The following AMD1 variants were observed in gnomAD, a reference collection of about 807,000 sequenced individuals.
AMD1 encodes the protein S-adenosylmethionine decarboxylase proenzyme.
In AMD1, 11 loss-of-function variants were observed where a neutral mutation model predicts 40.2. The ratio of observed to expected loss-of-function variants is 0.27; its 90% CI spans 0.17 to 0.45. AMD1 has a LOEUF of 0.45. Among genes scored for constraint, AMD1 ranks in the 20% least tolerant of loss-of-function variants. The pLI is 1.00. For missense variants in AMD1, 257 were observed against 410.2 expected (o/e 0.63, Z 3.23); for synonymous variants, 121 against 130.8 (o/e 0.93, Z 0.51).
chr6:110,828,251 C>A, the AMD1 span, among the ~76,000 whole-genome samples: 4 of 151,876 alleles, frequency 2.6e-5, no homozygotes, highest in Admixed American at 2.6e-4. Flanking sequence ...GCCAACATGG[C>A]GAAACCCCGT....
At position 110,894,848 on chromosome 6, in the gene AMD1, C is replaced by A. The variant is rs1453338202; in HGVS notation, c.*1232C>A. On this transcript the variant is annotated 3_prime_UTR_variant, in exon 9 of 9. Transcript: ENST00000368885. ...TGTTCCTCTTAACTACGGTGTTTCC[C>A]TTACCATGGCATTCATAGGATGAAA... 1 of 152,138 alleles carries A rather than the reference C, an allele frequency of 6.6e-6. No homozygotes were observed. The highest frequency in any genetic ancestry group is 1.5e-5 in the Non-Finnish European group (1 of 68,022). The allele number at this position is 152,138 out of a possible 1,614,324, so 9.4% of individuals were successfully genotyped here. A position where few individuals can be genotyped will look rare whatever the true frequency, so the allele number is the denominator to read the frequency against.
chr6:110,868,970 G>T, the AMD1 span, among the ~76,000 whole-genome samples: 1 of 151,296 alleles, frequency 6.6e-6, no homozygotes, highest in Non-Finnish European at 1.5e-5. Context: ...TGAAGCAGCA[G>T]AATCGCTTGA....
intron 1 of AMD1, among the ~76,000 whole-genome samples, chr6:110,879,360 A>G (rs1185604763): frequency 6.6e-6 from 1 of 152,214 alleles, no homozygotes; most frequent in African/African-American, 2.4e-5. Context: ...AACAACAACG[A>G]AAATATTTCA....
rs768179600 is a variant in AMD1, at chr6:110,892,723, T to TCCCC, written c.616-12_616-11insCCCC. ...CAAACCCTTGTTAAACTCGGTCTTT[T>TCCCC]TCCCCCCCCAGGAGAGTGGAATTCG... On this transcript the variant is annotated splice_polypyrimidine_tract_variant and intron_variant, in intron 6 of 8. Coordinates refer to ENST00000368885, the MANE Select transcript of AMD1 (RefSeq NM_001634.6). The TCCCC allele has an allele frequency of 1.3e-6, 2 of 1,504,296 alleles. No homozygotes were observed. The highest frequency in any genetic ancestry group is 4.1e-5 in the African/African-American group (2 of 48,752). The allele number at this position is 1,504,296 out of a possible 1,614,324, so 93.2% of individuals were successfully genotyped here. A position where few individuals can be genotyped will look rare whatever the true frequency, so the allele number is the denominator to read the frequency against.
At chr6:110,836,301 G>A in the AMD1 span, among the ~76,000 whole-genome samples, 3 of 152,032 alleles carry the variant, frequency 2.0e-5, no homozygotes, top group Non-Finnish European at 4.4e-5. Context: ...TGTTGGCTAT[G>A]ACTGTTTTTA....
the AMD1 span, among the ~76,000 whole-genome samples, chr6:110,869,139 CT>C: frequency 3.0e-3 from 446 of 150,286 alleles, no homozygotes; most frequent in South Asian, 7.1e-3. Flanking sequence ...ACTTTAGCTT[CT>C]TTTTTTTTGA....
At chr6:110,839,706 G>A in the AMD1 span, among the ~76,000 whole-genome samples, 1 of 152,102 alleles carries the variant, frequency 6.6e-6, no homozygotes, top group Non-Finnish European at 1.5e-5. Context: ...TGGGGGCATG[G>A]GAAGTTTATT....
the AMD1 span, among the ~76,000 whole-genome samples, chr6:110,855,315 G>A: frequency 2.6e-5 from 4 of 151,990 alleles, no homozygotes; most frequent in South Asian, 6.2e-4. Context: ...AAAATTGATG[G>A]TTAGGAACCT....
the AMD1 span, among the ~76,000 whole-genome samples, chr6:110,830,566 G>A: frequency 3.3e-5 from 5 of 152,340 alleles, no homozygotes; most frequent in East Asian, 9.6e-4. Context: ...TAATTTGCAT[G>A]TGATTAAAAC....
the AMD1 span, among the ~76,000 whole-genome samples, chr6:110,852,243 A>G: frequency 1.2e-5 from 1 of 84,228 alleles, no homozygotes; most frequent in Non-Finnish European, 2.3e-5. Flanking sequence ...TTTTTTTGAG[A>G]AGGAGTCTCT....
At chr6:110,864,093 G>A in the AMD1 span, 2 of 217,986 alleles carry the variant, frequency 9.2e-6, no homozygotes, top group East Asian at 1.5e-4. Context: ...CCAAGTAGGT[G>A]GGATTACAGG....
the AMD1 span, among the ~76,000 whole-genome samples, chr6:110,825,304 G>A: frequency 6.6e-6 from 1 of 151,830 alleles, no homozygotes; most frequent in Non-Finnish European, 1.5e-5. Context: ...CTGTATTATG[G>A]GTAACTAGTA....
chr6:110,849,918 C>G, the AMD1 span, among the ~76,000 whole-genome samples: 2 of 151,616 alleles, frequency 1.3e-5, no homozygotes, highest in South Asian at 2.1e-4. Context: ...ACTTGGGAAA[C>G]TGAGGTGGGG....
intron 1 of AMD1, among the ~76,000 whole-genome samples, chr6:110,876,012 G>A (rs1785089068): frequency 6.6e-6 from 1 of 152,232 alleles, no homozygotes; most frequent in South Asian, 2.1e-4. Flanking sequence ...CGGCGGAGCG[G>A]GGCGGGAGAG....
At chr6:110,824,373 G>A in the AMD1 span, among the ~76,000 whole-genome samples, 6 of 152,268 alleles carry the variant, frequency 3.9e-5, no homozygotes, top group African/African-American at 1.2e-4. Context: ...TAAGCTATGG[G>A]TACACAAAGG....
At chr6:110,887,712 C>T (rs909699871) in intron 2 of AMD1, 121 bp downstream of exon 2, 24 of 657,454 alleles carry the variant, frequency 3.7e-5, no homozygotes, top group Non-Finnish European at 5.0e-5. Flanking sequence ...TTTTTTGAGA[C>T]GGAGTTTCAG....
At chr6:110,893,335 C>T (rs2115315698) in intron 8 of AMD1, 141 bp from the exon 9 acceptor site, 1 of 1,171,972 alleles carries the variant, frequency 8.5e-7, no homozygotes, top group Non-Finnish European at 1.2e-6. Flanking sequence ...GATGCCCTGG[C>T]CCCTCCAGCA....
the AMD1 span, among the ~76,000 whole-genome samples, chr6:110,867,905 T>C: frequency 6.6e-6 from 1 of 152,186 alleles, no homozygotes; most frequent in South Asian, 2.1e-4. Flanking sequence ...AAAATTACAT[T>C]GGCATATTTT....
chr6:110,893,336 C>A, intron 8 of AMD1, 140 bp from the exon 9 acceptor site: 1 of 1,184,650 alleles, frequency 8.4e-7, no homozygotes, highest in South Asian at 1.5e-5. Flanking sequence ...ATGCCCTGGC[C>A]CCTCCAGCAC....
Sources: gnomAD v4.1 joint callset for allele counts (sites outside exome capture counted in the v4.1 genomes callset) on GRCh38, gnomAD v4.1.1 for gene constraint, MANE v1.5 for transcripts, NCBI Gene and HGNC (gene_info 2026-07-23, HGNC 2026-07-21) for gene names.